PLAT: variants seen among roughly 807,000 people sequenced by gnomAD.
PLAT encodes plasminogen activator, tissue type, also known as tissue-type plasminogen activator.
PLAT carries 48 observed loss-of-function variants against 74.9 expected under a neutral mutation model. The ratio of observed to expected loss-of-function variants is 0.64; its 90% CI spans 0.51 to 0.82. The LOEUF is 0.82. Among genes scored for constraint, PLAT ranks in the 40% least tolerant of loss-of-function variants. The pLI, the probability that PLAT is intolerant of heterozygous loss-of-function variation, is 0.00. For missense variants in PLAT, 673 were observed against 736.2 expected, an observed-to-expected ratio of 0.91 and a Z score of 0.99; for synonymous variants, 307 against 294.4, an observed-to-expected ratio of 1.04 and a Z score of -0.44.
intron 12 of PLAT, 72 bp from the exon 13 acceptor site, chr8:42,179,135 T>C: frequency 1.9e-6 from 2 of 1,068,626 alleles, no homozygotes; most frequent in Non-Finnish European, 2.8e-6. Context: ...GAAAGCCAAA[T>C]TTTCCAATAA....
At chr8:42,187,130 C>T in intron 6 of PLAT, 1 of 364,702 alleles carries the variant, frequency 2.7e-6, no homozygotes, top group Admixed American at 4.3e-5. Context: ...TATCACCTAT[C>T]ATCTGTCTAT....
At chr8:42,179,687 C>A (rs8178786) in intron 12 of PLAT, among the ~76,000 whole-genome samples, 1,566 of 152,332 alleles carry the variant, frequency 0.01, 27 homozygotes, top group African/African-American at 0.036. Context: ...TACTCAGAAC[C>A]TTCCCAACAC....
At chr8:42,179,129 G>T in intron 12 of PLAT, 66 bp from the exon 13 acceptor site, 1 of 1,241,760 alleles carries the variant, frequency 8.1e-7, no homozygotes, top group Non-Finnish European at 1.2e-6. Context: ...GAAAGAGAAA[G>T]CCAAATTTTC....
chr8:42,199,666 G>A (rs2129808721), intron 1 of PLAT, among the ~76,000 whole-genome samples: 1 of 152,308 alleles, frequency 6.6e-6, no homozygotes, highest in African/African-American at 2.4e-5. Flanking sequence ...TTGGTTGTGG[G>A]TCTAGGAAAA....
intron 13 of PLAT, among the ~76,000 whole-genome samples, chr8:42,178,294 G>A (rs1449992643): frequency 7.9e-6 from 1 of 126,040 alleles, no homozygotes; most frequent in Non-Finnish European, 1.6e-5. Flanking sequence ...TTTTGAGATC[G>A]AGTTTCGCTC....
chr8:42,179,034 CCTT>C lies in PLAT; in HGVS notation c.1390_1392del (p.Lys464del). 6.2e-7 allele frequency: 1 copy of C among 1,613,208 alleles called. No homozygotes were observed. Among genetic ancestry groups the C allele is most frequent in the Non-Finnish European group, 8.5e-7 (1 of 1,179,174 alleles). On this transcript the variant is annotated inframe_deletion, in exon 13 of 14. Coordinates refer to ENST00000220809, the MANE Select transcript of PLAT (RefSeq NM_000930.5). ...GATGGGTACAGTCTGACATGAGCCT[CCTT>C]CAGCCGCTCCGAATAGAAAGGAGAC...
chr8:42,188,180 C>G (rs1298232092), intron 4 of PLAT, 164 bp from the exon 5 acceptor site: 2 of 533,336 alleles, frequency 3.7e-6, no homozygotes, highest in African/African-American at 3.9e-5. Flanking sequence ...TTCATCCTGC[C>G]TTTGGTTGAA....
intron 3 of PLAT, among the ~76,000 whole-genome samples, chr8:42,189,934 T>C (rs1805622209): frequency 6.6e-6 from 1 of 150,662 alleles, no homozygotes; most frequent in South Asian, 2.1e-4. Flanking sequence ...CTTTTTTTTT[T>C]TCGAGGGTCT....
At chr8:42,182,388 T>TTTTTTTTTTTTTTTTTTTGAGACGG in intron 8 of PLAT, 3 of 258,718 alleles carry the variant, frequency 1.2e-5, no homozygotes, top group South Asian at 5.1e-5. Flanking sequence ...TGTAGTGTTC[T>TTTTTTTTTTTTTTTTTTTGAGACGG]AATCTCATAG....
chr8:42,178,505 G>A (rs943277614), intron 13 of PLAT, among the ~76,000 whole-genome samples: 1 of 152,130 alleles, frequency 6.6e-6, no homozygotes, highest in Non-Finnish European at 1.5e-5. Context: ...CCTGACCTCA[G>A]GTGAGCCTCC....
At chr8:42,179,465 C>G (rs143858636) in intron 12 of PLAT, among the ~76,000 whole-genome samples, 617 of 152,290 alleles carry the variant, frequency 4.1e-3, no homozygotes, top group Non-Finnish European at 7.8e-3. Context: ...AGCTGACATC[C>G]ATTCGTTCAA....
At chr8:42,198,987 T>G (rs1477918604) in intron 1 of PLAT, among the ~76,000 whole-genome samples, 1 of 152,172 alleles carries the variant, frequency 6.6e-6, no homozygotes, top group African/African-American at 2.4e-5. Context: ...AGAGCTGAAG[T>G]GAGATGCTGG....
intron 1 of PLAT, among the ~76,000 whole-genome samples, chr8:42,195,019 C>A (rs540389043): frequency 2.0e-5 from 3 of 152,134 alleles, no homozygotes; most frequent in Non-Finnish European, 4.4e-5. Flanking sequence ...TGTGGTCTGG[C>A]GGCCTGTTCC....
At chr8:42,197,415 C>G (rs116465126) in intron 1 of PLAT, among the ~76,000 whole-genome samples, 1,667 of 152,308 alleles carry the variant, frequency 0.011, 10 homozygotes, top group Non-Finnish European at 0.016. Context: ...TTGGGGAAAA[C>G]GGGAACAATA....
chr8:42,178,264 CTTTTTT>C (rs5891180), intron 13 of PLAT, among the ~76,000 whole-genome samples: 250 of 110,060 alleles, frequency 2.3e-3, no homozygotes, highest in Non-Finnish European at 3.4e-3. Flanking sequence ...ACATTTCTTT[CTTTTTT>C]TTTTTTTTTT....
rs13306824 is a variant in PLAT, at chr8:42,176,143, C to T, written c.1539G>A (p.Ser513=). The T allele has an allele frequency of 1.2e-3, 1,950 of 1,612,996 alleles. 31 individuals carry two copies. In the East Asian group the frequency reaches 0.034, roughly 28 times the overall value. Residue 513 remains serine, a synonymous_variant, in exon 14 of 14, where the codon TCG becomes TCA. Coordinates refer to ENST00000220809, the MANE Select transcript of PLAT (RefSeq NM_000930.5). ...ANLHDACQGD[S]GGPLVCLNDG... ...CGTTCAGACACACCAGGGGGCCTCC[C>T]GAATCGCCCTGCAAAGGAGATAGCA...
intron 1 of PLAT, among the ~76,000 whole-genome samples, chr8:42,195,917 C>T (rs1563262115): frequency 6.6e-6 from 1 of 152,332 alleles, no homozygotes; most frequent in East Asian, 1.9e-4. Flanking sequence ...AGGAACTTGA[C>T]CTTCTTCATC....
At chr8:42,201,813 G>T (rs1435966068) in intron 1 of PLAT, among the ~76,000 whole-genome samples, 1 of 152,166 alleles carries the variant, frequency 6.6e-6, no homozygotes, top group African/African-American at 2.4e-5. Context: ...ATCTGACCAA[G>T]CCACACTATG....
Position 42,202,384 on chromosome 8 carries a change from C to T in PLAT, c.-27+5110G>A, listed in dbSNP as rs1280629555. On this transcript the variant is annotated intron_variant, in intron 1 of 13. Coordinates refer to ENST00000220809, the MANE Select transcript of PLAT (RefSeq NM_000930.5). Reference sequence around the variant, plus strand: ...ATCGGGTTTAGCATCCCCTCCCAGTCCCTGTCCCCTGCCTTCTGGAGACTC... The same window carrying T: ...ATCGGGTTTAGCATCCCCTCCCAGTTCCTGTCCCCTGCCTTCTGGAGACTC... Among the ~76,000 whole-genome samples, 4 of 152,138 alleles carry T rather than the reference C, an allele frequency of 2.6e-5. 1 individual carries two copies. Among genetic ancestry groups the T allele is most frequent in the Admixed American group, 2.6e-4 (4 of 15,274 alleles).
Sources: gnomAD v4.1 joint callset for allele counts (sites outside exome capture counted in the v4.1 genomes callset) on GRCh38, gnomAD v4.1.1 for gene constraint, MANE v1.5 for transcripts, NCBI Gene and HGNC (gene_info 2026-07-23, HGNC 2026-07-21) for gene names.